The following TXLNB variants were observed in gnomAD, a reference collection of about 807,000 sequenced individuals.
TXLNB encodes the protein beta-taxilin.
In TXLNB, 37 loss-of-function variants were observed where a neutral mutation model predicts 57.4. The ratio of observed to expected loss-of-function variants is 0.64; its 90% CI spans 0.50 to 0.85. The LOEUF is 0.85. Ranked by LOEUF, TXLNB falls within the 40% of genes least tolerant of loss-of-function variation. TXLNB has a pLI of 0.00. For missense variants in TXLNB, 848 were observed against 825.6 expected, an observed-to-expected ratio of 1.03 and a Z score of -0.33; for synonymous variants, 302 against 309.6, an observed-to-expected ratio of 0.98 and a Z score of 0.26.
intron 5 of TXLNB, among the ~76,000 whole-genome samples, chr6:139,260,971 C>G (rs750855912): frequency 8.3e-4 from 126 of 152,148 alleles, no homozygotes; most frequent in Non-Finnish European, 1.3e-3. Flanking sequence ...CCTGAGCCCC[C>G]CTGAATTCTA....
At chr6:139,190,442 TG>T in the TXLNB span, among the ~76,000 whole-genome samples, 8 of 151,744 alleles carry the variant, frequency 5.3e-5, no homozygotes, top group Admixed American at 1.3e-4. Context: ...CCCAAGTAGC[TG>T]GGACTACAGG....
At position 139,242,220 on chromosome 6, in the gene TXLNB, G is replaced by A. The variant is rs994111789; in HGVS notation, c.*306C>T. 9.1e-6 allele frequency: 2 copies of A among 219,906 alleles called. No homozygotes were observed. The highest frequency in any genetic ancestry group is 9.8e-5 in the East Asian group (1 of 10,238). The allele number at this position is 219,906 out of a possible 1,614,324, so 13.6% of individuals were successfully genotyped here. On this transcript the variant is annotated 3_prime_UTR_variant, in exon 10 of 10. Transcript: ENST00000358430. ...AAGTCTTTAAACATCAAATCTTACTGGTGATTAACAAATTTAAGTATTATC... is the reference window on the plus strand; with the variant it reads ...AAGTCTTTAAACATCAAATCTTACTAGTGATTAACAAATTTAAGTATTATC...
At chr6:139,208,879 C>G in the TXLNB span, among the ~76,000 whole-genome samples, 2 of 152,086 alleles carry the variant, frequency 1.3e-5, no homozygotes, top group Non-Finnish European at 2.9e-5. Flanking sequence ...AGAACTGGAA[C>G]AAGACAAGGA....
At position 139,242,556 on chromosome 6, in the gene TXLNB, C is replaced by T. The variant is rs763221665; in HGVS notation, c.2025G>A (p.Val675=). 5 of 1,511,268 alleles carry T rather than the reference C, an allele frequency of 3.3e-6. No homozygotes were observed. The highest frequency in any genetic ancestry group is 2.3e-5 in the Admixed American group (1 of 43,380). 93.6% of individuals were successfully genotyped at this position (1,511,268 alleles called of 1,614,324 possible). Residue 675 remains valine, a synonymous_variant, in exon 10 of 10, where the codon GTG becomes GTA. Coordinates refer to ENST00000358430, the MANE Select transcript of TXLNB (RefSeq NM_153235.4). The part of the protein sequence containing the change: ...GASAGPQPRN[V]ADTNLEGVD ...CGACGCCTTCCAGATTGGTGTCAGC[C>T]ACGTTGCGCGGCTGGGGCCCAGCTG...
chr6:139,254,588 G>A (rs1776288179), intron 7 of TXLNB, among the ~76,000 whole-genome samples: 1 of 152,176 alleles, frequency 6.6e-6, no homozygotes, highest in South Asian at 2.1e-4. Context: ...GGTAAGATGG[G>A]TAGGTCTGGC....
At chr6:139,249,515 G>T (rs1484312205) in intron 7 of TXLNB, among the ~76,000 whole-genome samples, 1 of 152,226 alleles carries the variant, frequency 6.6e-6, no homozygotes. Context: ...TTATCAGCTG[G>T]AAGGAAGGCA....
chr6:139,289,038 GGC>G (rs878982000), intron 1 of TXLNB, 125 bp from the exon 2 acceptor site: 234,819 of 734,320 alleles, frequency 0.32, 42,355 homozygotes, highest in African/African-American at 0.7. Flanking sequence ...CGTAGAGAAA[GGC>G]AATGTCCTTT....
At chr6:139,221,271 C>T in the TXLNB span, among the ~76,000 whole-genome samples, 9 of 152,130 alleles carry the variant, frequency 5.9e-5, no homozygotes, top group African/African-American at 2.2e-4. Flanking sequence ...CTGGCAAACA[C>T]TCCATGCTTT....
At chr6:139,299,576 C>T in the TXLNB span, among the ~76,000 whole-genome samples, 5 of 152,128 alleles carry the variant, frequency 3.3e-5, no homozygotes, top group Non-Finnish European at 7.4e-5. Flanking sequence ...TGCCAGCTAT[C>T]GTGGGGTCTG....
chr6:139,249,535 G>A (rs1480400500), intron 7 of TXLNB, among the ~76,000 whole-genome samples: 11 of 152,208 alleles, frequency 7.2e-5, no homozygotes, highest in Non-Finnish European at 5.9e-5. Flanking sequence ...ACCGACCGGT[G>A]TTATCAGTGA....
the TXLNB span, among the ~76,000 whole-genome samples, chr6:139,210,843 C>A: frequency 2.8e-3 from 426 of 152,378 alleles, 2 homozygotes; most frequent in South Asian, 4.3e-3. Context: ...TATCCCGCGC[C>A]TAGCTCGGAG....
intron 7 of TXLNB, among the ~76,000 whole-genome samples, chr6:139,249,163 G>A (rs1436866965): frequency 6.6e-6 from 1 of 152,226 alleles, no homozygotes; most frequent in Non-Finnish European, 1.5e-5. Context: ...TAATTCAAGT[G>A]CTTGCATTCG....
At chr6:139,263,880 A>G (rs1776548435) in intron 4 of TXLNB, among the ~76,000 whole-genome samples, 1 of 152,182 alleles carries the variant, frequency 6.6e-6, no homozygotes, top group Admixed American at 6.5e-5. Context: ...ATGTAACAGG[A>G]TTTTTTAAAA....
the TXLNB span, among the ~76,000 whole-genome samples, chr6:139,228,534 A>G: frequency 6.6e-6 from 1 of 151,524 alleles, no homozygotes; most frequent in Non-Finnish European, 1.5e-5. Context: ...CTCAAAAAAA[A>G]AAAAAAAAAA....
At chr6:139,277,177 CTCCCAGTTTTCATCACAAGAA>C in intron 2 of TXLNB, 1 of 355,004 alleles carries the variant, frequency 2.8e-6, no homozygotes, top group Non-Finnish European at 5.0e-6. Context: ...TAACAGAAGT[CTCCCAGTTTTCATCACAAGAA>C]TCCGTTCTTA....
At chr6:139,224,521 C>T in the TXLNB span, among the ~76,000 whole-genome samples, 1 of 151,640 alleles carries the variant, frequency 6.6e-6, no homozygotes, top group South Asian at 2.1e-4. Flanking sequence ...TAATTGATAG[C>T]GTTCTGATAA....
At chr6:139,165,469 T>C in the TXLNB span, among the ~76,000 whole-genome samples, 1 of 152,186 alleles carries the variant, frequency 6.6e-6, no homozygotes. Context: ...ATCCTGTGGA[T>C]TTTGACAAAT....
chr6:139,231,959 A>G, the TXLNB span, among the ~76,000 whole-genome samples: 110 of 152,372 alleles, frequency 7.2e-4, 1 homozygote, highest in Non-Finnish European at 1.2e-3. Context: ...TCAGAGCATT[A>G]CAATAGTCTG....
chr6:139,166,418 G>C, the TXLNB span: 1 of 1,614,106 alleles, frequency 6.2e-7, no homozygotes, highest in Non-Finnish European at 8.5e-7. Flanking sequence ...GTGCTTCTAC[G>C]AGTGGGAGAG....
Sources: allele counts gnomAD v4.1 joint callset (sites outside exome capture counted in the v4.1 genomes callset), GRCh38; gene constraint gnomAD v4.1.1; transcripts MANE v1.5; gene names NCBI Gene and HGNC (gene_info 2026-07-23, HGNC 2026-07-21).